The following OR13G1 variants were observed in gnomAD, a reference collection of about 807,000 sequenced individuals.
The protein encoded by OR13G1 is olfactory receptor 13G1.
For missense variants in OR13G1, 369 were observed against 385.7 expected (o/e 0.96, Z 0.36); for synonymous variants, 128 against 136.2 (o/e 0.94, Z 0.42).
At chr1:247,677,101 T>C (rs1008304802) in intron 1 of OR13G1, among the ~76,000 whole-genome samples, 1 of 151,926 alleles carries the variant, frequency 6.6e-6, no homozygotes, top group Non-Finnish European at 1.5e-5. Flanking sequence ...CTACAAAAAA[T>C]ACAAAAATTA....
In OR13G1 at chr1:247,672,926, T is replaced by C. The variant is rs958458605; in HGVS notation, c.116A>G (p.Asn39Ser). ...GATTTTGGCAATGATGATGAGCATG[T>C]TGCCGAGAAAAGCCACAAGATAGAC... ...LIVYLVAFLG[N>S]MLIIIAKIYN... Residue 39 changes from asparagine to serine, a missense_variant, in exon 2 of 2, where the codon AAC (asparagine) becomes AGC (serine). Transcript: ENST00000642119. The C allele has an allele frequency of 6.2e-7, 1 of 1,613,964 alleles. No homozygotes were observed. The highest frequency in any genetic ancestry group is 1.3e-5 in the African/African-American group (1 of 74,920).
Position 247,671,669 on chromosome 1 carries a change from C to CTG in OR13G1, c.*447_*448dup, listed in dbSNP as rs1489036974. On this transcript the variant is annotated 3_prime_UTR_variant, in exon 2 of 2. Coordinates refer to ENST00000642119, the MANE Select transcript of OR13G1 (RefSeq NM_001005487.2). ...GAGTAGATACCTCATTATCACAATG[C>CTG]TGTAAGTGAATGAACCCAGCCTATT... 1 of 166,312 alleles carries CTG rather than the reference C, an allele frequency of 6.0e-6. No homozygotes were observed. The highest frequency in any genetic ancestry group is 2.4e-5 in the African/African-American group (1 of 41,530). The allele number at this position is 166,312 out of a possible 1,614,324, so 10.3% of individuals were successfully genotyped here.
At position 247,672,964 on chromosome 1, in the gene OR13G1, G is replaced by C. The variant is rs1212362945; in HGVS notation, c.78C>G (p.Leu26=). The C allele has an allele frequency of 1.9e-6, 3 of 1,613,910 alleles. No homozygotes were observed. The highest frequency in any genetic ancestry group is 2.5e-6 in the Non-Finnish European group (3 of 1,179,942). ...KKPELQGIIF[L]FFLIVYLVAF... Reference sequence around the variant, plus strand: ...CCACAAGATAGACAATGAGAAAAAAGAGGAAGATAATTCCCTGGAGTTCAG... The same window carrying C: ...CCACAAGATAGACAATGAGAAAAAACAGGAAGATAATTCCCTGGAGTTCAG... The change falls in exon 2 of 2, where the codon CTC becomes CTG. Residue 26 remains leucine, a synonymous_variant. Transcript: ENST00000642119.
At chr1:247,674,399 T>A (rs1026508502) in intron 1 of OR13G1, among the ~76,000 whole-genome samples, 9 of 152,236 alleles carry the variant, frequency 5.9e-5, no homozygotes, top group African/African-American at 2.2e-4. Context: ...AAAGTGTTTT[T>A]GAGTGTGCGT....
chr1:247,672,779 G>A lies in OR13G1; in HGVS notation c.263C>T (p.Thr88Ile), dbSNP rs1211803978. 6.2e-7 allele frequency: 1 copy of A among 1,614,032 alleles called. No homozygotes were observed. Among genetic ancestry groups the A allele is most frequent in the African/African-American group, 1.3e-5 (1 of 75,032 alleles). The change falls in exon 2 of 2, where the codon ACC becomes ATC. Residue 88 changes from threonine (T) to isoleucine (I), a missense_variant. Transcript: ENST00000642119. ...GGACATGCAGCCTGCATATGAAATG[G>A]TATTTTCTGATGTTAGCATGGTCCC... is the stretch of plus-strand genomic sequence containing the variant. ...MLGTMLTSEN[T>I]ISYAGCMSQL...
intron 1 of OR13G1, among the ~76,000 whole-genome samples, chr1:247,678,874 G>C (rs1659405657): frequency 6.6e-6 from 1 of 152,134 alleles, no homozygotes; most frequent in African/African-American, 2.4e-5. Context: ...CACATCCTAG[G>C]AGACCTGTCA....
chr1:247,676,731 A>T (rs1285014451), intron 1 of OR13G1, among the ~76,000 whole-genome samples: 2 of 152,322 alleles, frequency 1.3e-5, no homozygotes, highest in East Asian at 3.9e-4. Flanking sequence ...AACCAAAAAC[A>T]TGAGTGTGAT....
At chr1:247,675,623 T>C (rs1322484000) in intron 1 of OR13G1, among the ~76,000 whole-genome samples, 1 of 152,170 alleles carries the variant, frequency 6.6e-6, no homozygotes, top group Non-Finnish European at 1.5e-5. Flanking sequence ...GAACCTGGAA[T>C]GACACTGTGA....
intron 1 of OR13G1, among the ~76,000 whole-genome samples, chr1:247,674,692 G>A (rs1351032343): frequency 2.0e-5 from 3 of 152,104 alleles, no homozygotes; most frequent in African/African-American, 7.2e-5. Context: ...AGCACATTGA[G>A]TCTTTAATAT....
At chr1:247,674,201 A>G (rs1659274867) in intron 1 of OR13G1, among the ~76,000 whole-genome samples, 1 of 152,088 alleles carries the variant, frequency 6.6e-6, no homozygotes, top group African/African-American at 2.4e-5. Flanking sequence ...ATGCTTATTT[A>G]TTTTGGTACA....
Position 247,671,997 on chromosome 1 carries a change from G to T in OR13G1, c.*121C>A. The T allele has an allele frequency of 1.3e-6, 1 of 744,328 alleles. No homozygotes were observed. Among genetic ancestry groups the T allele is most frequent in the Non-Finnish European group, 2.2e-6 (1 of 462,724 alleles). 46.1% of individuals were successfully genotyped at this position (744,328 alleles called of 1,614,324 possible). ...TTGGAGACAATGAGACTGCTAGGAA[G>T]AAGGCAGGAATAAGAGGGAAGGGAA... On this transcript the variant is annotated 3_prime_UTR_variant, in exon 2 of 2. Transcript: ENST00000642119.
chr1:247,676,488 CTT>C (rs61313432), intron 1 of OR13G1, among the ~76,000 whole-genome samples: 50,158 of 151,520 alleles, frequency 0.33, 8,229 homozygotes, highest in East Asian at 0.4. Flanking sequence ...ATAAAGGTGA[CTT>C]TATTCATTAA....
rs1659218722 is a variant in OR13G1 at position 247,672,137 on chromosome 1, A to G, written c.905T>C (p.Phe302Ser). 1 of 1,613,446 alleles carries G rather than the reference A, an allele frequency of 6.2e-7. No homozygotes were observed. The highest frequency in any genetic ancestry group is 8.5e-7 in the Non-Finnish European group (1 of 1,179,700). ...AAACTACTAGTGTTTCAGAAATGCA[A>G]ACACCTTCCTAATTCCTGCCTGCAT... The part of the protein sequence containing the change: ...REMQAGIRKV[F>S]AFLKH Residue 302 changes from phenylalanine (F) to serine (S), a missense_variant, in exon 2 of 2, where the codon TTT becomes TCT. Transcript: ENST00000642119.
Position 247,672,946 on chromosome 1 carries a change from A to G in OR13G1, c.96T>C (p.Tyr32=). The change falls in exon 2 of 2, where the codon TAT becomes TAC. Residue 32 remains tyrosine (Y), a synonymous_variant. Transcript: ENST00000642119. ...GCATGTTGCCGAGAAAAGCCACAAG[A>G]TAGACAATGAGAAAAAAGAGGAAGA... The part of the protein sequence containing the change: ...GIIFLFFLIV[Y]LVAFLGNMLI... 6.2e-7 allele frequency: 1 copy of G among 1,614,016 alleles called. No individual in the cohort carries two copies. The highest frequency in any genetic ancestry group is 8.5e-7 in the Non-Finnish European group (1 of 1,179,926).
At chr1:247,674,165 C>T (rs972659569) in intron 1 of OR13G1, among the ~76,000 whole-genome samples, 21 of 152,192 alleles carry the variant, frequency 1.4e-4, no homozygotes, top group African/African-American at 4.8e-4. Context: ...TGAGCCACTG[C>T]ACTTGGTTGC....
intron 1 of OR13G1, 21 bp from the exon 2 acceptor site, chr1:247,673,300 G>T (rs1659248380): frequency 2.3e-6 from 1 of 427,120 alleles, no homozygotes; most frequent in South Asian, 4.1e-5. Context: ...TGGTTGAGAA[G>T]AAAAATATTT....
rs1659221924 is a variant in OR13G1, at chr1:247,672,254, T to C, written c.788A>G (p.Tyr263Cys). 5.6e-6 allele frequency: 9 copies of C among 1,613,960 alleles called. No individual in the cohort carries two copies. The highest frequency in any genetic ancestry group is 7.6e-6 in the Non-Finnish European group (9 of 1,180,004). ...IYTYIRPASSYTFERDKVVAA... is the reference protein window; with the variant it reads ...IYTYIRPASSCTFERDKVVAA... ...TACCACCTTGTCTCTTTCAAATGTA[T>C]AGCTGGAAGCAGGGCGGATATAGGT... The change falls in exon 2 of 2, where the codon TAT (tyrosine) becomes TGT (cysteine). Residue 263 changes from tyrosine (Y) to cysteine (C), a missense_variant. By Grantham distance (194) the Tyr-to-Cys change is radical. Transcript: ENST00000642119.
At position 247,672,227 on chromosome 1, in the gene OR13G1, G is replaced by A. The variant is rs778897652; in HGVS notation, c.815C>T (p.Ala272Val). Reference protein sequence around the residue: ...SYTFERDKVVAALYTLVTPTL... With the variant: ...SYTFERDKVVVALYTLVTPTL... ...GGGAGTCACAAGAGTATAGAGTGCA[G>A]CTACCACCTTGTCTCTTTCAAATGT... is the stretch of plus-strand genomic sequence containing the variant. Residue 272 changes from alanine to valine, a missense_variant, in exon 2 of 2, where the codon GCT becomes GTT. Ala to Val is a moderately conservative substitution (Grantham distance 64). Coordinates refer to ENST00000642119, the MANE Select transcript of OR13G1 (RefSeq NM_001005487.2). The A allele has an allele frequency of 1.9e-6, 3 of 1,614,068 alleles. No homozygotes were observed. The highest frequency in any genetic ancestry group is 2.2e-5 in the South Asian group (2 of 91,074).
chr1:247,679,531 C>T (rs1028611919), intron 1 of OR13G1, 109 bp downstream of exon 1: 1 of 142,756 alleles, frequency 7.0e-6, no homozygotes, highest in African/African-American at 2.5e-5. Context: ...TGTGTGCGCG[C>T]TATGGCTAAA....
Sources: allele counts gnomAD v4.1 joint callset (sites outside exome capture counted in the v4.1 genomes callset), GRCh38; gene constraint gnomAD v4.1.1; transcripts MANE v1.5; gene names NCBI Gene and HGNC (gene_info 2026-07-23, HGNC 2026-07-21).